Variants in PRKD1 observed in about 807,000 individuals in gnomAD.
PRKD1 encodes protein kinase D1.
A neutral mutation model predicts 95.9 loss-of-function variants in PRKD1; 63 were observed. The observed-to-expected ratio is 0.66, with a 90% CI of 0.54 to 0.81. The LOEUF is 0.81. Ranked by LOEUF, PRKD1 falls within the 30% of genes least tolerant of loss-of-function variation. PRKD1 has a pLI of 0.00. For synonymous variants in PRKD1, 425 were observed against 423.1 expected (o/e 1.00, Z -0.05); for missense variants, 1,048 against 1,165.3 (o/e 0.90, Z 1.47).
intron 1 of PRKD1, among the ~76,000 whole-genome samples, chr14:29,754,886 G>T (rs958260945): frequency 6.6e-6 from 1 of 152,056 alleles, no homozygotes; most frequent in Non-Finnish European, 1.5e-5. Context: ...TAGGGAGATT[G>T]ATATTTTTAT....
chr14:29,685,849 A>G (rs1883834612), intron 2 of PRKD1, among the ~76,000 whole-genome samples: 1 of 152,170 alleles, frequency 6.6e-6, no homozygotes, highest in Non-Finnish European at 1.5e-5. Context: ...TTTGGACTGT[A>G]TAAGCTCTCA....
chr14:29,920,183 T>A (rs1895052624), intron 1 of PRKD1, among the ~76,000 whole-genome samples: 1 of 152,036 alleles, frequency 6.6e-6, no homozygotes, highest in African/African-American at 2.4e-5. Context: ...GAAGCACTTG[T>A]CTTGTTTTGT....
At chr14:29,819,412 C>A (rs182465560) in intron 1 of PRKD1, among the ~76,000 whole-genome samples, 1 of 152,062 alleles carries the variant, frequency 6.6e-6, no homozygotes, top group East Asian at 1.9e-4. Flanking sequence ...AAATGGGGGC[C>A]GGGCGCGGTG....
chr14:29,707,805 G>A (rs2139346414), intron 2 of PRKD1, among the ~76,000 whole-genome samples: 2 of 152,178 alleles, frequency 1.3e-5, no homozygotes, highest in East Asian at 3.9e-4. Flanking sequence ...TCTAGATTGT[G>A]TCTGTCGGCT....
At chr14:29,865,321 C>A (rs45525431) in intron 1 of PRKD1, among the ~76,000 whole-genome samples, 3,871 of 152,160 alleles carry the variant, frequency 0.025, 63 homozygotes, top group Non-Finnish European at 0.042. Context: ...TAAAATGGTG[C>A]AAATAAGGAA....
At chr14:29,789,669 G>A (rs924814294) in intron 1 of PRKD1, among the ~76,000 whole-genome samples, 4 of 152,134 alleles carry the variant, frequency 2.6e-5, no homozygotes, top group Admixed American at 1.3e-4. Flanking sequence ...GGAGGCACAT[G>A]AGCACCAGTG....
intron 2 of PRKD1, among the ~76,000 whole-genome samples, chr14:29,723,724 G>A (rs1026647604): frequency 7.9e-5 from 12 of 151,420 alleles, no homozygotes. Context: ...CAATTTAAAG[G>A]GTCAATGACT....
intron 13 of PRKD1, among the ~76,000 whole-genome samples, chr14:29,604,561 A>G (rs983659003): frequency 1.3e-5 from 2 of 152,198 alleles, no homozygotes; most frequent in South Asian, 2.1e-4. Flanking sequence ...GGGGGGCATG[A>G]GGTACAGTAC....
intron 1 of PRKD1, among the ~76,000 whole-genome samples, chr14:29,833,872 T>C (rs1000815129): frequency 6.6e-6 from 1 of 151,192 alleles, no homozygotes; most frequent in Non-Finnish European, 1.5e-5. Context: ...CATTACAGAC[T>C]AGACAGCAGC....
At chr14:29,850,882 A>G (rs1328130152) in intron 1 of PRKD1, among the ~76,000 whole-genome samples, 2 of 149,168 alleles carry the variant, frequency 1.3e-5, no homozygotes, top group Non-Finnish European at 3.0e-5. Flanking sequence ...GCACAAAAAC[A>G]GACAAAAAAA....
chr14:29,707,520 C>T lies in PRKD1; in HGVS notation c.403+18016G>A, dbSNP rs555638784. 4.6e-5 allele frequency among the ~76,000 whole-genome samples: 7 copies of T among 152,188 alleles called. No individual in the cohort carries two copies. The East Asian group carries it at 9.7e-4, about 21-fold the overall frequency. On this transcript the variant is annotated intron_variant, in intron 2 of 17. Transcript: ENST00000331968. ...ATAAAGTAGAAAGATAATGTACCTG[C>T]CTTTGTGGAAATTATATTCGAGTGG...
At chr14:29,756,579 T>G (rs986163365) in intron 1 of PRKD1, among the ~76,000 whole-genome samples, 1 of 152,212 alleles carries the variant, frequency 6.6e-6, no homozygotes, top group African/African-American at 2.4e-5. Flanking sequence ...CACCAGAAAC[T>G]GCCCAGTGTC....
intron 1 of PRKD1, among the ~76,000 whole-genome samples, chr14:29,814,593 T>G (rs1357067411): frequency 6.6e-6 from 1 of 152,190 alleles, no homozygotes; most frequent in African/African-American, 2.4e-5. Context: ...AACTGCAGTC[T>G]GCACAGCTGA....
At chr14:29,914,049 G>T (rs1894808549) in intron 1 of PRKD1, among the ~76,000 whole-genome samples, 1 of 152,228 alleles carries the variant, frequency 6.6e-6, no homozygotes, top group Admixed American at 6.5e-5. Context: ...TTTACTGTAT[G>T]CTATGCAGTA....
At chr14:29,881,254 C>T (rs1473880540) in intron 1 of PRKD1, among the ~76,000 whole-genome samples, 1 of 152,168 alleles carries the variant, frequency 6.6e-6, no homozygotes, top group African/African-American at 2.4e-5. Context: ...GTGCTATTCT[C>T]ATGATAGTGA....
At chr14:29,665,074 A>T (rs1882409589) in intron 3 of PRKD1, among the ~76,000 whole-genome samples, 1 of 152,210 alleles carries the variant, frequency 6.6e-6, no homozygotes, top group Non-Finnish European at 1.5e-5. Context: ...TTCCCAGGTC[A>T]GACCAACTTT....
intron 1 of PRKD1, among the ~76,000 whole-genome samples, chr14:29,822,058 A>G (rs1890935072): frequency 6.6e-6 from 1 of 152,114 alleles, no homozygotes; most frequent in African/African-American, 2.4e-5. Flanking sequence ...CCATGAACCA[A>G]TTTGTTTCAT....
chr14:29,817,154 A>G (rs1218195770), intron 1 of PRKD1, among the ~76,000 whole-genome samples: 1 of 152,174 alleles, frequency 6.6e-6, no homozygotes, highest in Non-Finnish European at 1.5e-5. Context: ...TATCTGTGAA[A>G]TTTTGAACTA....
chr14:29,594,077 A>G (rs1893217970), intron 16 of PRKD1: 1 of 447,218 alleles, frequency 2.2e-6, no homozygotes, highest in Non-Finnish European at 4.5e-6. Flanking sequence ...ACGAAAGCAA[A>G]TCACTTACCA....
Sources: allele counts gnomAD v4.1 joint callset (sites outside exome capture counted in the v4.1 genomes callset), GRCh38; gene constraint gnomAD v4.1.1; transcripts MANE v1.5; gene names NCBI Gene and HGNC (gene_info 2026-07-23, HGNC 2026-07-21).